Variants in SP4 observed in about 807,000 individuals in gnomAD.
SP4 encodes transcription factor Sp4.
SP4 carries 19 observed loss-of-function variants against 72.8 expected under a neutral mutation model. The ratio of observed to expected loss-of-function variants is 0.26; its 90% CI spans 0.18 to 0.38. The LOEUF is 0.38. SP4 is among the 10% of genes least tolerant of loss of function. The pLI is 1.00. For synonymous variants in SP4, 395 were observed against 333.1 expected (o/e 1.19, Z -2.02); for missense variants, 1,008 against 926.3 (o/e 1.09, Z -1.14).
At chr7:21,486,449 T>C (rs1429913650) in intron 5 of SP4, among the ~76,000 whole-genome samples, 1 of 152,170 alleles carries the variant, frequency 6.6e-6, no homozygotes, top group Non-Finnish European at 1.5e-5. Flanking sequence ...TTGTTTGTCA[T>C]GTTTCCTTAG....
chr7:21,450,483 GT>G (rs1783555798), intron 3 of SP4, among the ~76,000 whole-genome samples: 1 of 152,110 alleles, frequency 6.6e-6, no homozygotes, highest in Non-Finnish European at 1.5e-5. Context: ...ATTGGATCCA[GT>G]TTGGTGTTCC....
intron 4 of SP4, among the ~76,000 whole-genome samples, chr7:21,477,628 C>T (rs1784544225): frequency 6.6e-6 from 1 of 151,830 alleles, no homozygotes; most frequent in South Asian, 2.1e-4. Context: ...TCTCTGCCTC[C>T]CGGGTTCAAG....
chr7:21,471,331 A>G (rs1304302841), intron 3 of SP4, among the ~76,000 whole-genome samples: 1 of 152,220 alleles, frequency 6.6e-6, no homozygotes, highest in African/African-American at 2.4e-5. Context: ...TGTACAAGCA[A>G]TAGGTATGGT....
chr7:21,500,855 C>G (rs1781845191), intron 5 of SP4, among the ~76,000 whole-genome samples: 1 of 152,206 alleles, frequency 6.6e-6, no homozygotes, highest in South Asian at 2.1e-4. Context: ...TAGATCTGCA[C>G]AGTCCCTTTT....
chr7:21,474,854 T>C (rs567536419), intron 3 of SP4, among the ~76,000 whole-genome samples: 19 of 152,336 alleles, frequency 1.2e-4, no homozygotes, highest in African/African-American at 4.6e-4. Flanking sequence ...TTTGTATCCT[T>C]ACTAAAACAG....
At chr7:21,498,835 C>G (rs569690549) in intron 5 of SP4, among the ~76,000 whole-genome samples, 46 of 152,032 alleles carry the variant, frequency 3.0e-4, no homozygotes, top group Non-Finnish European at 1.0e-4. Flanking sequence ...CCTGTAATCC[C>G]AGCACTATGG....
intron 5 of SP4, among the ~76,000 whole-genome samples, chr7:21,510,165 A>C (rs575091055): frequency 4.6e-5 from 7 of 152,300 alleles, no homozygotes; most frequent in African/African-American, 1.7e-4. Context: ...GGATGAGGAC[A>C]CAGAGCCAAA....
At chr7:21,495,917 A>G (rs772722699) in intron 5 of SP4, among the ~76,000 whole-genome samples, 3 of 152,234 alleles carry the variant, frequency 2.0e-5, no homozygotes, top group Admixed American at 1.3e-4. Flanking sequence ...ACTCCCCAAC[A>G]TAAAGGAATG....
intron 5 of SP4, among the ~76,000 whole-genome samples, chr7:21,502,309 C>A (rs182962231): frequency 6.6e-6 from 1 of 152,192 alleles, no homozygotes; most frequent in East Asian, 1.9e-4. Flanking sequence ...ACCTGTGATG[C>A]TTAGGATGTG....
At chr7:21,467,109 T>G (rs1784190458) in intron 3 of SP4, among the ~76,000 whole-genome samples, 1 of 152,150 alleles carries the variant, frequency 6.6e-6, no homozygotes, top group African/African-American at 2.4e-5. Context: ...GCCAGGTAAT[T>G]CTTTGTTTTT....
At chr7:21,494,493 C>T (rs1030671196) in intron 5 of SP4, among the ~76,000 whole-genome samples, 6 of 152,066 alleles carry the variant, frequency 3.9e-5, no homozygotes, top group Non-Finnish European at 7.4e-5. Flanking sequence ...CAGTGAATAA[C>T]GGGATATAAG....
chr7:21,436,581 G>A (rs1012901606), intron 3 of SP4, among the ~76,000 whole-genome samples: 5 of 152,160 alleles, frequency 3.3e-5, no homozygotes, highest in Non-Finnish European at 7.3e-5. Flanking sequence ...TCCTTACACA[G>A]TAAGGATTGA....
chr7:21,435,065 C>T (rs982818845), intron 3 of SP4, among the ~76,000 whole-genome samples: 3 of 152,150 alleles, frequency 2.0e-5, no homozygotes, highest in Non-Finnish European at 4.4e-5. Context: ...TATGTAGGAA[C>T]AATTGATAGC....
chr7:21,434,245 GC>G (rs1782971533), intron 3 of SP4, among the ~76,000 whole-genome samples: 1 of 152,174 alleles, frequency 6.6e-6, no homozygotes, highest in Non-Finnish European at 1.5e-5. Flanking sequence ...AGGACAATGA[GC>G]TAAAACTCTC....
chr7:21,467,050 G>A (rs1296753884), intron 3 of SP4, among the ~76,000 whole-genome samples: 1 of 152,154 alleles, frequency 6.6e-6, no homozygotes, highest in Admixed American at 6.5e-5. Context: ...AGTTATTCCA[G>A]TGCTGAGTTT....
intron 3 of SP4, among the ~76,000 whole-genome samples, chr7:21,456,288 A>G (rs890411752): frequency 6.6e-6 from 1 of 152,180 alleles, no homozygotes. Flanking sequence ...CAGGCAGGCA[A>G]ACTGCTTCAA....
At chr7:21,498,428 A>C (rs1781779595) in intron 5 of SP4, among the ~76,000 whole-genome samples, 1 of 152,164 alleles carries the variant, frequency 6.6e-6, no homozygotes, top group African/African-American at 2.4e-5. Flanking sequence ...GGTAAATGAT[A>C]CTGGAAAATG....
At chr7:21,487,762 A>ATGG (rs745424097) in intron 5 of SP4, among the ~76,000 whole-genome samples, 834 of 71,218 alleles carry the variant, frequency 0.012, 2 homozygotes, top group Non-Finnish European at 0.03. Context: ...GATGATGATG[A>ATGG]TGGTGGTGGT....
Position 21,429,744 on chromosome 7 carries a change from G to A in SP4, c.579G>A (p.Gln193=). The A allele has an allele frequency of 6.2e-7, 1 of 1,614,056 alleles. No individual in the cohort carries two copies. Among genetic ancestry groups the A allele is most frequent in the Non-Finnish European group, 8.5e-7 (1 of 1,179,964 alleles). The part of the protein sequence containing the change: ...PTSSSSLQDL[Q]GQIQLISAGN... ...GTAGTTCATCTCTACAGGATTTGCA[G>A]GGTCAAATTCAGCTCATTTCTGCAG... Residue 193 remains glutamine (Q), a synonymous_variant, in exon 3 of 6, where the codon CAG becomes CAA. Coordinates refer to ENST00000222584, the MANE Select transcript of SP4 (RefSeq NM_003112.5).
Sources: gnomAD v4.1 joint callset for allele counts (sites outside exome capture counted in the v4.1 genomes callset) on GRCh38, gnomAD v4.1.1 for gene constraint, MANE v1.5 for transcripts, NCBI Gene and HGNC (gene_info 2026-07-23, HGNC 2026-07-21) for gene names.